Variants in VIT observed in about 807,000 individuals in gnomAD.
The protein encoded by VIT is vitrin.
Under a neutral mutation model 78.0 loss-of-function variants are expected in VIT, and 99 were observed. That is an observed-to-expected ratio of 1.27 (90% CI 1.08 to 1.50). The LOEUF (loss-of-function observed/expected upper bound fraction) is 1.50, where lower values mean the gene tolerates loss of function less well. VIT is among the 40% of genes most tolerant of loss of function. VIT has a pLI of 0.00. For synonymous variants in VIT, 374 were observed against 334.3 expected (o/e 1.12, Z -1.29); for missense variants, 1,126 against 875.3 (o/e 1.29, Z -3.61).
intron 11 of VIT, 143 bp from the exon 12 acceptor site, chr2:36,786,986 A>C: frequency 9.7e-7 from 1 of 1,028,952 alleles, no homozygotes; most frequent in African/African-American, 1.6e-5. Context: ...GGATGTAAAT[A>C]AATATACCCT....
At chr2:36,810,009 G>A (rs1437220699) in intron 15 of VIT, among the ~76,000 whole-genome samples, 52 of 82,658 alleles carry the variant, frequency 6.3e-4, no homozygotes, top group Middle Eastern at 0.012. Flanking sequence ...AAAAAAAAAA[G>A]GGCCAGGCAC....
intron 2 of VIT, among the ~76,000 whole-genome samples, chr2:36,716,644 T>C (rs1314165268): frequency 2.6e-5 from 4 of 152,184 alleles, no homozygotes; most frequent in Non-Finnish European, 5.9e-5. Context: ...ATACTGTATA[T>C]ATATTACATA....
At chr2:36,726,754 G>A (rs1666871690) in intron 2 of VIT, among the ~76,000 whole-genome samples, 1 of 145,838 alleles carries the variant, frequency 6.9e-6, no homozygotes, top group African/African-American at 2.5e-5. Context: ...GGGAGGCGGA[G>A]TTTGCAGTGG....
At chr2:36,806,142 A>G (rs1281654425) in intron 14 of VIT, among the ~76,000 whole-genome samples, 1 of 152,162 alleles carries the variant, frequency 6.6e-6, no homozygotes, top group Admixed American at 6.5e-5. Context: ...GGTTCTGTGG[A>G]GATGCCCAGC....
In VIT at chr2:36,772,418, C is replaced by A. The variant is rs545121120; in HGVS notation, c.680-1373C>A. On this transcript the variant is annotated intron_variant, in intron 7 of 15. Transcript: ENST00000379242. ...GGGCATGGTGGCACATGCTTGTAAT[C>A]CCAGCTACTCGGGAGGCTGAGGCAG... 4.6e-5 allele frequency among the ~76,000 whole-genome samples: 7 copies of A among 152,276 alleles called. No individual in the cohort carries two copies. In the South Asian group the frequency reaches 1.5e-3, roughly 32 times the overall value.
At chr2:36,786,998 C>A (rs1008061277) in intron 11 of VIT, 131 bp from the exon 12 acceptor site, 4 of 1,145,194 alleles carry the variant, frequency 3.5e-6, no homozygotes, top group Admixed American at 2.2e-5. Context: ...ATATACCCTG[C>A]ATCTTCCTAC....
chr2:36,792,064 T>A (rs151168639), intron 12 of VIT, among the ~76,000 whole-genome samples: 1 of 152,286 alleles, frequency 6.6e-6, no homozygotes, highest in East Asian at 1.9e-4. Flanking sequence ...TGACTTCACG[T>A]TGGCATTACC....
At chr2:36,728,074 G>A (rs557790459) in intron 2 of VIT, among the ~76,000 whole-genome samples, 17 of 152,114 alleles carry the variant, frequency 1.1e-4, no homozygotes, top group South Asian at 2.1e-4. Context: ...AATTACAGGC[G>A]TGTGCCACCA....
chr2:36,722,666 A>G (rs1441251007), intron 2 of VIT, among the ~76,000 whole-genome samples: 1 of 152,216 alleles, frequency 6.6e-6, no homozygotes, highest in African/African-American at 2.4e-5. Flanking sequence ...CAGGAAGTTT[A>G]TGGGCTAGAA....
chr2:36,792,478 T>G (rs1665572394), intron 12 of VIT, among the ~76,000 whole-genome samples: 1 of 152,148 alleles, frequency 6.6e-6, no homozygotes, highest in Non-Finnish European at 1.5e-5. Context: ...ACCCCTCCCC[T>G]TTCAGCTCTC....
chr2:36,705,877 T>G (rs1240418303), intron 1 of VIT, among the ~76,000 whole-genome samples: 2 of 152,344 alleles, frequency 1.3e-5, no homozygotes. Flanking sequence ...GAGGCTGTCC[T>G]GGGCATTGCA....
At chr2:36,788,283 G>C (rs565970500) in intron 12 of VIT, among the ~76,000 whole-genome samples, 30 of 152,106 alleles carry the variant, frequency 2.0e-4, no homozygotes, top group Non-Finnish European at 3.8e-4. Flanking sequence ...ACACCCGCGG[G>C]GTCTCCAGCG....
intron 4 of VIT, among the ~76,000 whole-genome samples, chr2:36,746,384 C>G (rs567390992): frequency 6.6e-6 from 1 of 152,078 alleles, no homozygotes; most frequent in African/African-American, 2.4e-5. Context: ...AGTATTGGTA[C>G]CAGCTCTTGG....
At chr2:36,811,939 G>A (rs1305118984) in intron 15 of VIT, among the ~76,000 whole-genome samples, 3 of 152,266 alleles carry the variant, frequency 2.0e-5, no homozygotes, top group South Asian at 2.1e-4. Context: ...GCCTCCCGAA[G>A]TGCTGGGATT....
rs1666664629 is a variant in VIT, at chr2:36,805,642, T to G, written c.1367T>G (p.Val456Gly). ...GAAENEKQYV[V>G]EPNFANKAVC... ...GCTGAAAATGAGAAGCAGTATGTGG[T>G]GGAGCCCAACTTTGCAAACAAGGTA... Residue 456 changes from valine to glycine, a missense_variant, in exon 14 of 16, where the codon GTG becomes GGG. Transcript: ENST00000379242. 1 of 1,613,978 alleles carries G rather than the reference T, an allele frequency of 6.2e-7. No homozygotes were observed.
intron 1 of VIT, among the ~76,000 whole-genome samples, chr2:36,703,862 T>C (rs1277848013): frequency 6.6e-6 from 1 of 151,850 alleles, no homozygotes; most frequent in Non-Finnish European, 1.5e-5. Context: ...TTCTGCTATA[T>C]ATTTATTCTG....
chr2:36,811,492 A>G (rs1208411893), intron 15 of VIT, among the ~76,000 whole-genome samples: 1 of 152,186 alleles, frequency 6.6e-6, no homozygotes, highest in African/African-American at 2.4e-5. Flanking sequence ...CTGGAGGCAG[A>G]TTCTTACTCA....
intron 15 of VIT, among the ~76,000 whole-genome samples, chr2:36,811,603 A>T (rs1384736929): frequency 1.3e-5 from 2 of 151,882 alleles, no homozygotes; most frequent in African/African-American, 4.8e-5. Flanking sequence ...CCAGTAGGAG[A>T]TTCTGTACAA....
At chr2:36,787,896 T>C (rs1489537891) in intron 12 of VIT, 1 of 449,708 alleles carries the variant, frequency 2.2e-6, no homozygotes, top group Non-Finnish European at 4.5e-6. Context: ...TTCGCCAACC[T>C]GCTCTATTAT....
Sources: allele counts gnomAD v4.1 joint callset (sites outside exome capture counted in the v4.1 genomes callset), GRCh38; gene constraint gnomAD v4.1.1; transcripts MANE v1.5; gene names NCBI Gene and HGNC (gene_info 2026-07-23, HGNC 2026-07-21).